The following TUBGCP6 variants were observed in gnomAD, a reference collection of about 807,000 sequenced individuals.
TUBGCP6 encodes the protein gamma-tubulin complex component 6.
In TUBGCP6, 161 loss-of-function variants were observed where a neutral mutation model predicts 175.8. That is an observed-to-expected ratio of 0.92 (90% confidence interval 0.81 to 1.04). The LOEUF (loss-of-function observed/expected upper bound fraction) is 1.04. TUBGCP6 is among the 50% of genes least tolerant of loss of function. The pLI is 0.00. For missense variants in TUBGCP6, 2,572 were observed against 2,433.0 expected, an observed-to-expected ratio of 1.06 and a Z score of -1.20; for synonymous variants, 1,173 against 1,030.5, an observed-to-expected ratio of 1.14 and a Z score of -2.65.
At position 50,221,667 on chromosome 22, in the gene TUBGCP6, C is replaced by T; in HGVS notation, c.2692G>A (p.Asp898Asn). The change falls in exon 16 of 25, where the codon GAC becomes AAC. Residue 898 changes from aspartate (D) to asparagine (N), a missense_variant. Transcript: ENST00000248846. ...RPFSDSLSIGDFLPVGPGAEP... is the reference protein window; with the variant it reads ...RPFSDSLSIGNFLPVGPGAEP... ...GCCCCTGGGCCCACAGGTAGGAAGTCTCCAATGCTGAGGCTGTCAGAGAAG... is the reference window on the plus strand; with the variant it reads ...GCCCCTGGGCCCACAGGTAGGAAGTTTCCAATGCTGAGGCTGTCAGAGAAG... 1 of 1,519,986 alleles carries T rather than the reference C, an allele frequency of 6.6e-7. No individual in the cohort carries two copies. Among genetic ancestry groups the T allele is most frequent in the Non-Finnish European group, 8.8e-7 (1 of 1,135,380 alleles). 94.2% of individuals were successfully genotyped at this position (1,519,986 alleles called of 1,614,324 possible). A position where few individuals can be genotyped will look rare whatever the true frequency, so the allele number is the denominator to read the frequency against.
In TUBGCP6 at chr22:50,221,757, G is replaced by A; in HGVS notation, c.2602C>T (p.Pro868Ser). 6.6e-7 allele frequency: 1 copy of A among 1,515,318 alleles called. No individual in the cohort carries two copies. The highest frequency in any genetic ancestry group is 8.8e-7 in the Non-Finnish European group (1 of 1,132,576). The allele number at this position is 1,515,318 out of a possible 1,614,324, so 93.9% of individuals were successfully genotyped here. A position where few individuals can be genotyped will look rare whatever the true frequency, so the allele number is the denominator to read the frequency against. Residue 868 changes from proline (P) to serine (S), a missense_variant, in exon 16 of 25, where the codon CCC (proline) becomes TCC (serine). Transcript: ENST00000248846. ...WNRPGLLTPQ[P>S]LKPLAVGAGG... The stretch of plus-strand genomic sequence containing the variant: ...GCCCCCACTGCTAGAGGCTTAAGGG[G>A]CTGTGGGGTCAGCAGGCCTGGCCTG...
chr22:50,217,790 G>A lies in TUBGCP6; in HGVS notation c.5406C>T (p.His1802=), dbSNP rs756245644. The change falls in exon 25 of 25, where the codon CAC becomes CAT. Residue 1802 remains histidine (H), a synonymous_variant. Coordinates refer to ENST00000248846, the MANE Select transcript of TUBGCP6 (RefSeq NM_020461.4). ...TKLVNRGYQP[H]LEDFLLRINF... is the part of the protein sequence containing the mutation. The stretch of plus-strand genomic sequence containing the variant: ...TGATGCGCAGCAGAAAGTCCTCCAG[G>A]TGGGGCTGGTAGCCGCGGTTCACCA... 1.2e-6 allele frequency: 2 copies of A among 1,614,098 alleles called. No individual in the cohort carries two copies. The highest frequency in any genetic ancestry group is 1.7e-6 in the Non-Finnish European group (2 of 1,180,028).
rs2064521634 is a variant in TUBGCP6 at position 50,221,441 on chromosome 22, G to A, written c.2918C>T (p.Ala973Val). Residue 973 changes from alanine (A) to valine (V), a missense_variant, in exon 16 of 25, where the codon GCA becomes GTA. Coordinates refer to ENST00000248846, the MANE Select transcript of TUBGCP6 (RefSeq NM_020461.4). ...CCCTGAGCTGCCCAAGCTGCACTCT[G>A]CAGCCTGCAGGGGCCCTGGTGCAGG... ...TSPAPGPLQA[A>V]ECSLGSSGLQ... 6.3e-7 allele frequency: 1 copy of A among 1,597,588 alleles called. No individual in the cohort carries two copies. Among genetic ancestry groups the A allele is most frequent in the African/African-American group, 1.3e-5 (1 of 74,776 alleles).
intron 2 of TUBGCP6, among the ~76,000 whole-genome samples, chr22:50,236,191 A>G (rs1358879186): frequency 6.6e-6 from 1 of 151,836 alleles, no homozygotes; most frequent in Non-Finnish European, 1.5e-5. Flanking sequence ...GCTGGAGTGC[A>G]GTGGCACGAT....
rs767016295 is a variant in TUBGCP6, at chr22:50,219,687, CCCTGCCAGG to C, written c.4263_4271del (p.Leu1422_Gly1424del). Reference sequence around the variant, plus strand: ...CCGGGTACCGCTCCAAGTGGTACTGCCCTGCCAGGCCTGCCAGGTAGGCCTGCTCCCCAC... The same window carrying C: ...CCGGGTACCGCTCCAAGTGGTACTGCCCTGCCAGGTAGGCCTGCTCCCCAC... On this transcript the variant is annotated inframe_deletion, in exon 18 of 25. Transcript: ENST00000248846. 4.3e-6 allele frequency: 7 copies of C among 1,613,722 alleles called. No individual in the cohort carries two copies. Among genetic ancestry groups the C allele is most frequent in the East Asian group, 4.5e-5 (2 of 44,874 alleles).
At position 50,244,507 on chromosome 22, in the gene TUBGCP6, C is replaced by T. The variant is rs28654738; in HGVS notation, c.-48G>A. 6 of 1,545,170 alleles carry T rather than the reference C, an allele frequency of 3.9e-6. No individual in the cohort carries two copies. Among genetic ancestry groups the T allele is most frequent in the South Asian group, 1.2e-5 (1 of 83,908 alleles). On this transcript the variant is annotated 5_prime_UTR_variant, in exon 1 of 25. Coordinates refer to ENST00000248846, the MANE Select transcript of TUBGCP6 (RefSeq NM_020461.4). ...CCGGCGTGTGGGAAAACACCTCACC[C>T]GGGCTTCACTCACGCTCCGGAAGAC...
intron 16 of TUBGCP6, 45 bp downstream of exon 16, chr22:50,220,206 G>A (rs779258221): frequency 6.5e-7 from 1 of 1,547,580 alleles, no homozygotes; most frequent in Non-Finnish European, 8.8e-7. Flanking sequence ...CAGGCTCTGT[G>A]CGTCCCACAG....
chr22:50,219,903 A>G (rs1034807317), intron 17 of TUBGCP6, 54 bp downstream of exon 17: 10 of 1,610,872 alleles, frequency 6.2e-6, no homozygotes, highest in African/African-American at 2.7e-5. Context: ...GACAACCTAG[A>G]GGGACAGAGC....
Position 50,220,609 on chromosome 22 carries a change from G to C in TUBGCP6, c.3750C>G (p.Ile1250Met). 1 of 1,613,240 alleles carries C rather than the reference G, an allele frequency of 6.2e-7. No homozygotes were observed. Among genetic ancestry groups the C allele is most frequent in the African/African-American group, 1.3e-5 (1 of 74,962 alleles). The change falls in exon 16 of 25, where the codon ATC becomes ATG. Residue 1250 changes from isoleucine (I) to methionine (M), a missense_variant. Transcript: ENST00000248846. ...NTHGHVSDASISLGEPVSDVV... is the reference protein window; with the variant it reads ...NTHGHVSDASMSLGEPVSDVV... Reference sequence around the variant, plus strand: ...CATCCGACACAGGCTCCCCCAAGCTGATGCTGGCGTCGGACACGTGTCCAT... The same window carrying C: ...CATCCGACACAGGCTCCCCCAAGCTCATGCTGGCGTCGGACACGTGTCCAT...
At chr22:50,218,979 AGCAGCAGGGGGCTGTGGGCGT>A in intron 20 of TUBGCP6, 68 bp downstream of exon 20, 1 of 1,591,140 alleles carries the variant, frequency 6.3e-7, no homozygotes, top group Non-Finnish European at 8.6e-7. Flanking sequence ...GCTGTGCCAG[AGCAGCAGGGGGCTGTGGGCGT>A]GCAGCCAGTC....
In TUBGCP6 at chr22:50,224,402, C is replaced by T. The variant is rs530739592; in HGVS notation, c.2084G>A (p.Arg695Gln). The T allele has an allele frequency of 1.3e-5, 21 of 1,614,172 alleles. 1 individual carries two copies. Among genetic ancestry groups the T allele is most frequent in the Middle Eastern group, 1.6e-4 (1 of 6,062 alleles). The change falls in exon 12 of 25, where the codon CGG becomes CAG. Residue 695 changes from arginine to glutamine, a missense_variant. Coordinates refer to ENST00000248846, the MANE Select transcript of TUBGCP6 (RefSeq NM_020461.4). ...SALSDRQMSE[R>Q]MALDARKREQ... is the part of the protein sequence containing the mutation. ...ACGCTTCCGGGCATCCAAGGCCATC[C>T]GTTCTGACATCTGCCGGTCTACATT...
Position 50,218,222 on chromosome 22 carries a change from G to A in TUBGCP6, c.5135C>T (p.Ala1712Val), listed in dbSNP as rs763972630. ...TVGDLEEIQR[A>V]HAEYLHKAVF... ...GGCCTTGTGCAGGTACTCTGCGTGCGCACGCTGGATCTCCTCCAGGTCGCC... is the reference window on the plus strand; with the variant it reads ...GGCCTTGTGCAGGTACTCTGCGTGCACACGCTGGATCTCCTCCAGGTCGCC... Residue 1712 changes from alanine to valine, a missense_variant, in exon 23 of 25, where the codon GCG becomes GTG. Ala to Val is a moderately conservative substitution (Grantham distance 64, BLOSUM62 0). Transcript: ENST00000248846. 1.7e-5 allele frequency: 27 copies of A among 1,612,314 alleles called. No homozygotes were observed. Among genetic ancestry groups the A allele is most frequent in the African/African-American group, 5.3e-5 (4 of 74,928 alleles).
rs773481416 is a variant in TUBGCP6 at position 50,220,685 on chromosome 22, A to G, written c.3674T>C (p.Val1225Ala). 47 of 1,610,178 alleles carry G rather than the reference A, an allele frequency of 2.9e-5. No homozygotes were observed. Among genetic ancestry groups the G allele is most frequent in the Admixed American group, 2.4e-4 (14 of 57,958 alleles). ...HGHVSDTSIR[V>A]GENVSDVAPI... Reference sequence around the variant, plus strand: ...AGCCACGTCCGATACGTTCTCCCCAACCCTGATGCTGGTGTCAGACACATG... The same window carrying G: ...AGCCACGTCCGATACGTTCTCCCCAGCCCTGATGCTGGTGTCAGACACATG... Residue 1225 changes from valine (V) to alanine (A), a missense_variant, in exon 16 of 25, where the codon GTT (valine) becomes GCT (alanine). Transcript: ENST00000248846.
chr22:50,244,047 T>A lies in TUBGCP6; in HGVS notation c.413A>T (p.His138Leu), dbSNP rs1468921133. ...GCTGTACGGAACGTTTCTCCCCACATGCTTGTTGTTAAGGAAGTAGTCTCG... is the reference window on the plus strand; with the variant it reads ...GCTGTACGGAACGTTTCTCCCCACAAGCTTGTTGTTAAGGAAGTAGTCTCG... ...RKRDYFLNNKHVGRNVPYSGY... is the reference protein window; with the variant it reads ...RKRDYFLNNKLVGRNVPYSGY... Residue 138 changes from histidine (H) to leucine (L), a missense_variant, in exon 1 of 25, where the codon CAT becomes CTT. Physicochemically the swap from His to Leu is moderately conservative, Grantham distance 99. Transcript: ENST00000248846. 6.2e-7 allele frequency: 1 copy of A among 1,614,098 alleles called. No homozygotes were observed. The highest frequency in any genetic ancestry group is 1.7e-5 in the Admixed American group (1 of 60,028).
At position 50,226,438 on chromosome 22, in the gene TUBGCP6, TGTCA is replaced by T. The variant is rs1239054466; in HGVS notation, c.1602-64_1602-61del. 2.1e-5 allele frequency: 31 copies of T among 1,487,362 alleles called. No homozygotes were observed. The African/African-American group carries it at 2.9e-4, about 14-fold the overall frequency. The allele number at this position is 1,487,362 out of a possible 1,614,324, so 92.1% of individuals were successfully genotyped here. On this transcript the variant is annotated intron_variant, in intron 7 of 24. Transcript: ENST00000248846. ...AACGGAGAGGTGGGTGGGGCGTGGCTGTCAGTGAGGGGTGGGACAGGGGCGTGGC... is the reference window on the plus strand; with the variant it reads ...AACGGAGAGGTGGGTGGGGCGTGGCTGTGAGGGGTGGGACAGGGGCGTGGC...
rs1466389882 is a variant in TUBGCP6, at chr22:50,221,737, C to T, written c.2622G>A (p.Val874=). 3.3e-6 allele frequency: 5 copies of T among 1,516,414 alleles called. No individual in the cohort carries two copies. Among genetic ancestry groups the T allele is most frequent in the Middle Eastern group, 1.8e-4 (1 of 5,594 alleles). 93.9% of individuals were successfully genotyped at this position (1,516,414 alleles called of 1,614,324 possible). ...LTPQPLKPLA[V]GAGGRGLQQA... The stretch of plus-strand genomic sequence containing the variant: ...GCTGCAGCCCCCTGCCACCAGCCCC[C>T]ACTGCTAGAGGCTTAAGGGGCTGTG... Residue 874 remains valine (V), a synonymous_variant, in exon 16 of 25, where the codon GTG becomes GTA. Coordinates refer to ENST00000248846, the MANE Select transcript of TUBGCP6 (RefSeq NM_020461.4).
rs4838864 is a variant in TUBGCP6 at position 50,218,581 on chromosome 22, C to A, written c.4861G>T (p.Val1621Leu). 5.0e-6 allele frequency: 8 copies of A among 1,613,734 alleles called. No individual in the cohort carries two copies. Among genetic ancestry groups the A allele is most frequent in the Non-Finnish European group, 5.9e-6 (7 of 1,179,994 alleles). Residue 1621 changes from valine to leucine, a missense_variant, in exon 22 of 25, where the codon GTG (valine) becomes TTG (leucine). Transcript: ENST00000248846. ...PLNIVITEGC[V>L]SKYSGVFSFL... ...GAGAAGACGCCGCTGTACTTGCTCA[C>A]GCAGCCCTCGGTGATGACAATGTTG...
At position 50,221,575 on chromosome 22, in the gene TUBGCP6, G is replaced by C; in HGVS notation, c.2784C>G (p.Asp928Glu). ...LEVALQTINL[D>E]LPPSAPGEAP... ...CCTCCCCAGGAGCTGAGGGGGGCAG[G>C]TCCAAGTTAATGGTCTGCAGCGCCA... Residue 928 changes from aspartate to glutamate, a missense_variant, in exon 16 of 25, where the codon GAC becomes GAG. Coordinates refer to ENST00000248846, the MANE Select transcript of TUBGCP6 (RefSeq NM_020461.4). 6.3e-7 allele frequency: 1 copy of C among 1,585,662 alleles called. No homozygotes were observed. Among genetic ancestry groups the C allele is most frequent in the Non-Finnish European group, 8.6e-7 (1 of 1,164,034 alleles).
In TUBGCP6 at chr22:50,218,005, C is replaced by T; in HGVS notation, c.5281G>A (p.Gly1761Ser). The T allele has an allele frequency of 1.2e-6, 2 of 1,612,164 alleles. No homozygotes were observed. The highest frequency in any genetic ancestry group is 8.5e-7 in the Non-Finnish European group (1 of 1,179,356). ...TTGGGGTGCTCTGCACCCCGCGGGC[C>T]CCCAGGGGGCCCCCAGGCCTGGGAG... ...LISQAWGPPG[G>S]PRGAEHPNFA... Residue 1761 changes from glycine to serine, a missense_variant, in exon 24 of 25, where the codon GGC becomes AGC. Coordinates refer to ENST00000248846, the MANE Select transcript of TUBGCP6 (RefSeq NM_020461.4).
Sources: allele counts gnomAD v4.1 joint callset (sites outside exome capture counted in the v4.1 genomes callset), GRCh38; gene constraint gnomAD v4.1.1; transcripts MANE v1.5; gene names NCBI Gene and HGNC (gene_info 2026-07-23, HGNC 2026-07-21).